SPTA1: variants seen among roughly 807,000 people sequenced by gnomAD.
The protein encoded by SPTA1 is spectrin alpha chain, erythrocytic 1.
SPTA1 carries 177 observed loss-of-function variants against 324.7 expected under a neutral mutation model. The ratio of observed to expected loss-of-function variants is 0.55; its 90% CI spans 0.48 to 0.62. The LOEUF (loss-of-function observed/expected upper bound fraction) is 0.62, where lower values mean the gene tolerates loss of function less well. Ranked by LOEUF, SPTA1 falls within the 20% of genes least tolerant of loss-of-function variation. SPTA1 has a pLI of 0.00. For synonymous variants in SPTA1, 1,195 were observed against 1,041.3 expected, an observed-to-expected ratio of 1.15 and a Z score of -2.84; for missense variants, 3,162 against 2,883.6, an observed-to-expected ratio of 1.10 and a Z score of -2.21.
chr1:158,658,975 C>T (rs1370586755), intron 18 of SPTA1, among the ~76,000 whole-genome samples: 3 of 151,822 alleles, frequency 2.0e-5, no homozygotes, highest in African/African-American at 4.8e-5. Context: ...GATAGAAGAC[C>T]TGCAATATAA....
At chr1:158,681,061 T>C (rs1350309292) in intron 4 of SPTA1, among the ~76,000 whole-genome samples, 1 of 152,162 alleles carries the variant, frequency 6.6e-6, no homozygotes, top group East Asian at 1.9e-4. Context: ...TACGAAAGTA[T>C]TTTGTTAGGC....
rs1335885150 is a variant in SPTA1, at chr1:158,611,063, CCTTT to C, written c.*197_*200del. ...GCTTCCACTCCTCCAACTCTATTAA[CCTTT>C]CTATCTCCCACCCTTGAGATTTTTT... On this transcript the variant is annotated 3_prime_UTR_variant, in exon 52 of 52. Transcript: ENST00000643759. 3 of 680,536 alleles carry C rather than the reference CCTTT, an allele frequency of 4.4e-6. No individual in the cohort carries two copies. Among genetic ancestry groups the C allele is most frequent in the Non-Finnish European group, 7.4e-6 (3 of 406,336 alleles). The allele number at this position is 680,536 out of a possible 1,614,324, so 42.2% of individuals were successfully genotyped here.
Position 158,674,664 on chromosome 1 carries a change from A to G in SPTA1, c.1124T>C (p.Phe375Ser), listed in dbSNP as rs929328527. Residue 375 changes from phenylalanine (F) to serine (S), a missense_variant, in exon 9 of 52, where the codon TTT becomes TCT. Coordinates refer to ENST00000643759, the MANE Select transcript of SPTA1 (RefSeq NM_003126.4). Reference sequence around the variant, plus strand: ...TGAGAGTTCATCAAAGTCAGATGAAAATCGATGGTACCTGTGGGAAAAGTG... The same window carrying G: ...TGAGAGTTCATCAAAGTCAGATGAAGATCGATGGTACCTGTGGGAAAAGTG... ...KLQATYWYHRFSSDFDELSGW... is the reference protein window; with the variant it reads ...KLQATYWYHRSSSDFDELSGW... The G allele has an allele frequency of 2.5e-6, 4 of 1,613,742 alleles. No homozygotes were observed. In the African/African-American group the frequency reaches 5.3e-5, roughly 22 times the overall value.
chr1:158,631,298 G>A (rs1358910656), intron 39 of SPTA1, among the ~76,000 whole-genome samples: 3 of 152,102 alleles, frequency 2.0e-5, no homozygotes, highest in East Asian at 1.9e-4. Flanking sequence ...CAAAATAATG[G>A]CGTTTGCAGC....
intron 8 of SPTA1, 23 bp from the exon 9 acceptor site, chr1:158,674,698 G>T (rs1486449319): frequency 2.5e-6 from 4 of 1,612,492 alleles, no homozygotes; most frequent in African/African-American, 1.3e-5. Context: ...TGAGGTAAAA[G>T]ACAGGAAGGA....
chr1:158,670,581 G>A (rs1653948214), intron 12 of SPTA1, among the ~76,000 whole-genome samples: 2 of 152,206 alleles, frequency 1.3e-5, no homozygotes. Flanking sequence ...GTATGTGCAT[G>A]TGGCAAGGGT....
intron 18 of SPTA1, among the ~76,000 whole-genome samples, chr1:158,659,856 C>T (rs1653093447): frequency 6.5e-5 from 4 of 61,340 alleles, no homozygotes; most frequent in Admixed American, 3.1e-4. Flanking sequence ...ATGATCCACT[C>T]GCCTCGGCCT....
At chr1:158,668,146 C>T in intron 14 of SPTA1, 84 bp from the exon 15 acceptor site, 1 of 1,416,672 alleles carries the variant, frequency 7.1e-7, no homozygotes, top group Non-Finnish European at 9.8e-7. Context: ...TTACTTCTCA[C>T]TATAAATCTA....
intron 18 of SPTA1, among the ~76,000 whole-genome samples, chr1:158,658,924 A>G (rs1011663421): frequency 6.6e-6 from 1 of 152,122 alleles, no homozygotes; most frequent in African/African-American, 2.4e-5. Flanking sequence ...AGGAAGGTAG[A>G]ATGAAGACCT....
chr1:158,620,139 G>A lies in SPTA1; in HGVS notation c.6417+31C>T, dbSNP rs535487494. ...ATAAAGTGGTTATGTTCACTGTAGT[G>A]AAAGGAAGTTTCTGCCGTGTTCCAG... is the stretch of plus-strand genomic sequence containing the variant. On this transcript the variant is annotated intron_variant, in intron 44 of 51. Transcript: ENST00000643759. 5.6e-6 allele frequency: 9 copies of A among 1,613,690 alleles called. No individual in the cohort carries two copies. In the East Asian group the frequency reaches 1.6e-4, roughly 28 times the overall value.
chr1:158,653,774 G>A (rs1043004126), intron 21 of SPTA1, among the ~76,000 whole-genome samples: 6 of 151,170 alleles, frequency 4.0e-5, no homozygotes, highest in South Asian at 4.1e-4. Flanking sequence ...GCAGTGGAGC[G>A]TCTGTGTAAG....
rs769401937 is a variant in SPTA1 at position 158,678,437 on chromosome 1, G to A, written c.776C>T (p.Ala259Val). 10 of 1,613,626 alleles carry A rather than the reference G, an allele frequency of 6.2e-6. No individual in the cohort carries two copies. Among genetic ancestry groups the A allele is most frequent in the South Asian group, 5.5e-5 (5 of 91,084 alleles). ...TTGTAAGTTTGCAGCATTGGACAGA[G>A]CTTTCTGTCTCTGGAGAGCCAAACC... ...LRGLALQRQKALSNAANLQRF... is the reference protein window; with the variant it reads ...LRGLALQRQKVLSNAANLQRF... The change falls in exon 6 of 52, where the codon GCT (alanine) becomes GTT (valine). Residue 259 changes from alanine to valine, a missense_variant. Physicochemically the swap from Ala to Val is moderately conservative, Grantham distance 64. Coordinates refer to ENST00000643759, the MANE Select transcript of SPTA1 (RefSeq NM_003126.4).
intron 18 of SPTA1, among the ~76,000 whole-genome samples, chr1:158,661,006 G>A (rs1653167583): frequency 6.6e-6 from 1 of 152,108 alleles, no homozygotes; most frequent in Non-Finnish European, 1.5e-5. Flanking sequence ...CTGAATTCTG[G>A]AACTTCTACA....
Position 158,672,137 on chromosome 1 carries a change from A to G in SPTA1, c.1410T>C (p.Arg470=), listed in dbSNP as rs1232707345. 3 of 1,613,980 alleles carry G rather than the reference A, an allele frequency of 1.9e-6. No individual in the cohort carries two copies. The highest frequency in any genetic ancestry group is 2.5e-6 in the Non-Finnish European group (3 of 1,180,002). Residue 470 remains arginine (R), a synonymous_variant, in exon 11 of 52, where the codon CGT becomes CGC. Coordinates refer to ENST00000643759, the MANE Select transcript of SPTA1 (RefSeq NM_003126.4). ...ALLELWDERH[R]QYEQCLDFHL... ...GAAAGTCCAAGCACTGCTCATACTGACGATGACGCTCGTCCCACAGTTCCA... is the reference window on the plus strand; with the variant it reads ...GAAAGTCCAAGCACTGCTCATACTGGCGATGACGCTCGTCCCACAGTTCCA...
In SPTA1 at chr1:158,624,817, T is replaced by C. The variant is rs1650165262; in HGVS notation, c.5910+1329A>G. On this transcript the variant is annotated intron_variant, in intron 42 of 51. Coordinates refer to ENST00000643759, the MANE Select transcript of SPTA1 (RefSeq NM_003126.4). ...GTAGCTAAAAATGTAAAATCCTAAC[T>C]AGAATTTTCAGTAGTGACACAATGC... Among the ~76,000 whole-genome samples the C allele has an allele frequency of 2.0e-5, 3 of 152,328 alleles. No homozygotes were observed. In the South Asian group the frequency reaches 6.2e-4, roughly 32 times the overall value.
intron 12 of SPTA1, among the ~76,000 whole-genome samples, 155 bp downstream of exon 12, chr1:158,671,188 C>G (rs983380198): frequency 5.3e-5 from 8 of 152,012 alleles, no homozygotes; most frequent in African/African-American, 1.9e-4. Flanking sequence ...CACAAATAAA[C>G]ACACCAACAA....
chr1:158,628,485 G>A (rs1305339315), intron 39 of SPTA1, among the ~76,000 whole-genome samples: 1 of 152,048 alleles, frequency 6.6e-6, no homozygotes, highest in African/African-American at 2.4e-5. Flanking sequence ...AAAATAAAAG[G>A]ACTTTCAGTT....
intron 10 of SPTA1, 115 bp from the exon 11 acceptor site, chr1:158,672,311 G>T: frequency 8.8e-7 from 1 of 1,136,628 alleles, no homozygotes; most frequent in Non-Finnish European, 1.2e-6. Flanking sequence ...AACAGCAAAT[G>T]GGCTTTTAAG....
chr1:158,673,460 A>G (rs1432742070), intron 10 of SPTA1, among the ~76,000 whole-genome samples: 1 of 152,194 alleles, frequency 6.6e-6, no homozygotes, highest in Non-Finnish European at 1.5e-5. Flanking sequence ...GGAGGTTAGG[A>G]TGATGGTAAA....
Sources: gnomAD v4.1 joint callset for allele counts (sites outside exome capture counted in the v4.1 genomes callset) on GRCh38, gnomAD v4.1.1 for gene constraint, MANE v1.5 for transcripts, NCBI Gene and HGNC (gene_info 2026-07-23, HGNC 2026-07-21) for gene names.